Variants in CFAP299 observed in about 807,000 individuals in gnomAD.
The protein encoded by CFAP299 is cilia- and flagella-associated protein 299.
In CFAP299, 21 loss-of-function variants were observed where a neutral mutation model predicts 27.0. The observed-to-expected ratio is 0.78, with a 90% confidence interval of 0.55 to 1.12. CFAP299 has a LOEUF of 1.12. Among genes scored for constraint, CFAP299 ranks in the 50% most tolerant of loss-of-function variants. The pLI is 0.00. For missense variants in CFAP299, 310 were observed against 276.6 expected, an observed-to-expected ratio of 1.12 and a Z score of -0.86; for synonymous variants, 104 against 98.1, an observed-to-expected ratio of 1.06 and a Z score of -0.36.
intron 4 of CFAP299, among the ~76,000 whole-genome samples, chr4:80,874,488 TA>T (rs1464874981): frequency 6.6e-5 from 10 of 152,208 alleles, no homozygotes; most frequent in Non-Finnish European, 1.5e-4. Context: ...ACAGACTGTG[TA>T]ATTTATAAAC....
At chr4:80,570,518 A>T (rs1735532669) in intron 2 of CFAP299, among the ~76,000 whole-genome samples, 1 of 152,116 alleles carries the variant, frequency 6.6e-6, no homozygotes, top group Non-Finnish European at 1.5e-5. Context: ...CAATAAAAAT[A>T]GGAAAATGCA....
chr4:80,908,771 T>C (rs1410180600), intron 4 of CFAP299, among the ~76,000 whole-genome samples: 1 of 152,182 alleles, frequency 6.6e-6, no homozygotes, highest in Admixed American at 6.6e-5. Context: ...AGATTGTTAA[T>C]GTTAAAGTGA....
At chr4:80,386,833 G>A in intron 2 of CFAP299, 1 of 897,364 alleles carries the variant, frequency 1.1e-6, no homozygotes, top group Non-Finnish European at 1.9e-6. Flanking sequence ...AGGGCTGGTG[G>A]ATCAACATGT....
intron 3 of CFAP299, among the ~76,000 whole-genome samples, chr4:80,820,956 C>G (rs1253575087): frequency 6.6e-6 from 1 of 152,130 alleles, no homozygotes; most frequent in African/African-American, 2.4e-5. Flanking sequence ...TTAAAGGATT[C>G]CCAGACCAAT....
intron 4 of CFAP299, among the ~76,000 whole-genome samples, chr4:80,900,123 A>AGT (rs3038537): frequency 0.1 from 14,116 of 139,756 alleles, 756 homozygotes; most frequent in South Asian, 0.13. Context: ...AGTGGAAGAA[A>AGT]GTGTGTGTGT....
rs1722100273 is a variant in CFAP299, at chr4:80,335,763, A to G, written c.-6A>G. 1.3e-6 allele frequency: 2 copies of G among 1,583,710 alleles called. No individual in the cohort carries two copies. Among genetic ancestry groups the G allele is most frequent in the South Asian group, 2.2e-5 (2 of 90,486 alleles). On this transcript the variant is annotated 5_prime_UTR_variant, in exon 1 of 6. It adds an upstream start codon to the 5' untranslated region. Coordinates refer to ENST00000358105, the MANE Select transcript of CFAP299 (RefSeq NM_152770.3). ...TGCTAGGGACGCTTCGGCCGAGGAT[A>G]CCGCAATGGATCAGGAAGAGGGGCT...
At chr4:80,919,781 A>G (rs979796419) in intron 4 of CFAP299, among the ~76,000 whole-genome samples, 2 of 152,134 alleles carry the variant, frequency 1.3e-5, no homozygotes, top group Non-Finnish European at 2.9e-5. Context: ...CACCATCCAG[A>G]TAGAATCAAA....
intron 3 of CFAP299, among the ~76,000 whole-genome samples, chr4:80,760,656 G>A (rs1725497281): frequency 6.6e-6 from 1 of 152,144 alleles, no homozygotes; most frequent in African/African-American, 2.4e-5. Flanking sequence ...CAGGCTGTTT[G>A]CTAGTTGTTG....
At chr4:80,414,786 A>G (rs752659598) in intron 2 of CFAP299, among the ~76,000 whole-genome samples, 22 of 152,212 alleles carry the variant, frequency 1.4e-4, no homozygotes, top group Non-Finnish European at 2.8e-4. Flanking sequence ...CAACATCCAC[A>G]TGGAAGTACT....
intron 3 of CFAP299, among the ~76,000 whole-genome samples, chr4:80,585,671 A>G (rs1020898727): frequency 6.6e-6 from 1 of 152,128 alleles, no homozygotes; most frequent in Non-Finnish European, 1.5e-5. Flanking sequence ...ACAAATGGTT[A>G]ATGTGATCAG....
chr4:80,851,566 C>A (rs1289806015), intron 3 of CFAP299, among the ~76,000 whole-genome samples: 1 of 152,060 alleles, frequency 6.6e-6, no homozygotes, highest in African/African-American at 2.4e-5. Flanking sequence ...TATAGAAGAA[C>A]ATCAGGGTAT....
intron 4 of CFAP299, among the ~76,000 whole-genome samples, chr4:80,935,890 G>A (rs899921248): frequency 6.6e-6 from 1 of 152,060 alleles, no homozygotes. Context: ...CCCTTAAAAA[G>A]TGGGTAAAGT....
chr4:80,881,443 C>T (rs1733700956), intron 4 of CFAP299, among the ~76,000 whole-genome samples: 1 of 152,152 alleles, frequency 6.6e-6, no homozygotes, highest in African/African-American at 2.4e-5. Flanking sequence ...CAAACATCGT[C>T]TTATAGCTGG....
At chr4:80,622,755 T>C (rs894040953) in intron 3 of CFAP299, among the ~76,000 whole-genome samples, 1 of 152,122 alleles carries the variant, frequency 6.6e-6, no homozygotes, top group Non-Finnish European at 1.5e-5. Context: ...AAATGCCAGG[T>C]TGTGAGTGGG....
intron 3 of CFAP299, among the ~76,000 whole-genome samples, chr4:80,859,727 G>A (rs2110157109): frequency 6.6e-6 from 1 of 152,246 alleles, no homozygotes; most frequent in East Asian, 1.9e-4. Flanking sequence ...TAAGAATGTT[G>A]AATATTGGCC....
chr4:80,333,205 C>T (rs1722003147), upstream of CFAP299, among the ~76,000 whole-genome samples: 1 of 152,132 alleles, frequency 6.6e-6, no homozygotes, highest in African/African-American at 2.4e-5. Flanking sequence ...ACTCCAGCAT[C>T]CTAGAATAAC....
At chr4:80,770,308 C>G (rs1038956315) in intron 3 of CFAP299, among the ~76,000 whole-genome samples, 2 of 152,076 alleles carry the variant, frequency 1.3e-5, no homozygotes, top group Admixed American at 1.3e-4. Context: ...AGAGGATATA[C>G]GGAGCAACTC....
chr4:80,475,156 T>C (rs1473898297), intron 2 of CFAP299, among the ~76,000 whole-genome samples: 1 of 152,096 alleles, frequency 6.6e-6, no homozygotes, highest in Non-Finnish European at 1.5e-5. Flanking sequence ...GCCAGAACAG[T>C]AGGCAGGTGC....
chr4:80,419,253 T>C (rs1280258352), intron 2 of CFAP299, among the ~76,000 whole-genome samples: 1 of 152,176 alleles, frequency 6.6e-6, no homozygotes, highest in Non-Finnish European at 1.5e-5. Context: ...TGACTTGGGA[T>C]TTTATATGTT....
Sources: gnomAD v4.1 joint callset for allele counts (sites outside exome capture counted in the v4.1 genomes callset) on GRCh38, gnomAD v4.1.1 for gene constraint, MANE v1.5 for transcripts, NCBI Gene and HGNC (gene_info 2026-07-23, HGNC 2026-07-21) for gene names.